Variants in RALGPS1 observed in about 807,000 individuals in gnomAD.
The protein encoded by RALGPS1 is Ral GEF with PH domain and SH3 binding motif 1, also known as ras-specific guanine nucleotide-releasing factor RalGPS1.
In RALGPS1, 19 loss-of-function variants were observed where a neutral mutation model predicts 78.8. The observed-to-expected ratio is 0.24, with a 90% CI of 0.17 to 0.35. The LOEUF (loss-of-function observed/expected upper bound fraction) is 0.35. Among genes scored for constraint, RALGPS1 ranks in the 10% least tolerant of loss-of-function variants. The probability of loss-of-function intolerance (pLI) is 1.00; values close to 1 mark genes in which losing one functional copy is unlikely to be tolerated. For synonymous variants in RALGPS1, 228 were observed against 256.3 expected (o/e 0.89, Z 1.06); for missense variants, 454 against 688.3 (o/e 0.66, Z 3.81).
intron 4 of RALGPS1, among the ~76,000 whole-genome samples, chr9:127,014,839 A>G (rs1258530143): frequency 1.3e-5 from 2 of 152,104 alleles, no homozygotes; most frequent in African/African-American, 2.4e-5. Context: ...GTTATCTTAC[A>G]TCATACCCGG....
rs530599334 is a variant in RALGPS1, at chr9:127,020,088, A to T, written c.217-14343A>T. On this transcript the variant is annotated intron_variant, in intron 4 of 18. Transcript: ENST00000259351. ...TTAGCCAAACTTGTTAAGTTTGGGGATTTTTTTTTCCGTCACTTTTTGTGC... is the reference window on the plus strand; with the variant it reads ...TTAGCCAAACTTGTTAAGTTTGGGGTTTTTTTTTTCCGTCACTTTTTGTGC... Among the ~76,000 whole-genome samples the T allele has an allele frequency of 3.6e-4, 55 of 151,146 alleles. 1 individual carries two copies. The East Asian group carries it at 8.2e-3, about 22-fold the overall frequency.
chr9:127,032,315 C>T (rs895833182), intron 4 of RALGPS1, among the ~76,000 whole-genome samples: 2 of 152,142 alleles, frequency 1.3e-5, no homozygotes, highest in Admixed American at 6.5e-5. Context: ...GAAGTTATTA[C>T]GGTGTGGAAA....
At position 127,220,827 on chromosome 9, in the gene RALGPS1, T is replaced by A. The variant is rs927955701; in HGVS notation, c.*2058T>A. On this transcript the variant is annotated 3_prime_UTR_variant, in exon 19 of 19. Transcript: ENST00000259351. ...GGTTTTTCACACCAATGAAGTATTA[T>A]AGATGCCAATCCAAAACCTCAGAAT... 2 of 152,704 alleles carry A rather than the reference T, an allele frequency of 1.3e-5. No homozygotes were observed. The highest frequency in any genetic ancestry group is 4.8e-5 in the African/African-American group (2 of 41,576). 9.5% of individuals were successfully genotyped at this position (152,704 alleles called of 1,614,324 possible).
rs1205567077 is a variant in RALGPS1 at position 127,052,787 on chromosome 9, G to C, written c.391-60G>C. ...AAATATGACATTTGGTAACACTTGA[G>C]CATGTTTTTGTTCTGTTGTTTATAG... On this transcript the variant is annotated intron_variant, in intron 6 of 18. Coordinates refer to ENST00000259351, the MANE Select transcript of RALGPS1 (RefSeq NM_014636.3). The C allele has an allele frequency of 3.9e-6, 4 of 1,032,822 alleles. No homozygotes were observed. In the African/African-American group the frequency reaches 6.4e-5, roughly 16 times the overall value. The allele number at this position is 1,032,822 out of a possible 1,614,324, so 64.0% of individuals were successfully genotyped here.
intron 1 of RALGPS1, among the ~76,000 whole-genome samples, chr9:126,937,673 C>T (rs1321266885): frequency 6.6e-6 from 1 of 152,150 alleles, no homozygotes. Flanking sequence ...ATCTGCATTC[C>T]AGGATTCAGA....
At chr9:126,945,844 A>T (rs1230709192) in intron 1 of RALGPS1, among the ~76,000 whole-genome samples, 1 of 152,222 alleles carries the variant, frequency 6.6e-6, no homozygotes, top group Non-Finnish European at 1.5e-5. Context: ...TGGGGCAGAC[A>T]TCGTCTTCTC....
intron 4 of RALGPS1, among the ~76,000 whole-genome samples, chr9:126,997,436 A>C (rs1298915031): frequency 6.6e-6 from 1 of 152,230 alleles, no homozygotes; most frequent in Non-Finnish European, 1.5e-5. Context: ...CAAAGAGAAT[A>C]AAATACCTAA....
At chr9:126,975,017 G>A (rs1167491467) in intron 3 of RALGPS1, among the ~76,000 whole-genome samples, 1 of 151,936 alleles carries the variant, frequency 6.6e-6, no homozygotes, top group Non-Finnish European at 1.5e-5. Context: ...AACTTCCAGG[G>A]AAGGATTACT....
At chr9:127,005,397 G>C (rs906767157) in intron 4 of RALGPS1, among the ~76,000 whole-genome samples, 1 of 152,172 alleles carries the variant, frequency 6.6e-6, no homozygotes. Context: ...GCTTTCTCTG[G>C]CAATACTTCT....
chr9:127,074,844 C>CTAT (rs2050538624), intron 8 of RALGPS1, among the ~76,000 whole-genome samples: 1 of 152,248 alleles, frequency 6.6e-6, no homozygotes, highest in African/African-American at 2.4e-5. Flanking sequence ...ATTCCCCACC[C>CTAT]TATTCAGGTT....
rs1158311528 is a variant in RALGPS1 at position 126,957,667 on chromosome 9, T to C, written c.-65-4558T>C. ...TTTGAATCTTGAGATGGATTTACTT[T>C]TAGTCTCAGTTTTTGGTTTCCCATT... On this transcript the variant is annotated intron_variant, in intron 1 of 18. Transcript: ENST00000259351. 3.9e-5 allele frequency among the ~76,000 whole-genome samples: 6 copies of C among 152,320 alleles called. No individual in the cohort carries two copies. The East Asian group carries it at 7.7e-4, about 20-fold the overall frequency.
chr9:127,197,151 A>G (rs2061390236), intron 13 of RALGPS1, among the ~76,000 whole-genome samples: 1 of 152,228 alleles, frequency 6.6e-6, no homozygotes, highest in Non-Finnish European at 1.5e-5. Flanking sequence ...AGTGTCAGCC[A>G]GACGTGGTGC....
At chr9:126,963,363 G>GTA (rs964781646) in intron 2 of RALGPS1, among the ~76,000 whole-genome samples, 14 of 151,392 alleles carry the variant, frequency 9.2e-5, no homozygotes, top group East Asian at 3.9e-4. Flanking sequence ...GTGTGTGTGT[G>GTA]TATATATATA....
intron 4 of RALGPS1, among the ~76,000 whole-genome samples, chr9:127,002,261 A>G (rs954638160): frequency 1.3e-5 from 2 of 152,090 alleles, no homozygotes; most frequent in Non-Finnish European, 2.9e-5. Flanking sequence ...AACATTATAT[A>G]TGTGAGATTT....
intron 1 of RALGPS1, among the ~76,000 whole-genome samples, chr9:126,928,245 C>G (rs2035482128): frequency 6.6e-6 from 1 of 152,144 alleles, no homozygotes; most frequent in African/African-American, 2.4e-5. Flanking sequence ...GATCCAGTTG[C>G]CACTGACCCT....
chr9:127,165,799 G>C (rs1588276676), intron 8 of RALGPS1, among the ~76,000 whole-genome samples: 3 of 152,298 alleles, frequency 2.0e-5, no homozygotes, highest in East Asian at 1.9e-4. Flanking sequence ...TTGGGTTACA[G>C]GTAAAAGCCT....
chr9:126,933,437 T>TTCTGA (rs2035981513), intron 1 of RALGPS1, among the ~76,000 whole-genome samples: 1 of 152,152 alleles, frequency 6.6e-6, no homozygotes, highest in South Asian at 2.1e-4. Context: ...GTCAAAGCTG[T>TTCTGA]TCTGAAGATG....
chr9:127,001,298 A>T (rs997307801), intron 4 of RALGPS1, among the ~76,000 whole-genome samples: 1 of 151,962 alleles, frequency 6.6e-6, no homozygotes, highest in Non-Finnish European at 1.5e-5. Flanking sequence ...AAAAAAAAAA[A>T]AAAAGTAAGT....
At chr9:127,179,809 G>A (rs187991325) in intron 11 of RALGPS1, among the ~76,000 whole-genome samples, 112 of 152,282 alleles carry the variant, frequency 7.4e-4, no homozygotes, top group African/African-American at 1.6e-3. Context: ...CAGCGCCCAC[G>A]CCTCTACCCC....
Sources: gnomAD v4.1 joint callset for allele counts (sites outside exome capture counted in the v4.1 genomes callset) on GRCh38, gnomAD v4.1.1 for gene constraint, MANE v1.5 for transcripts, NCBI Gene and HGNC (gene_info 2026-07-23, HGNC 2026-07-21) for gene names.